The following NPFFR1 variants were observed in gnomAD, a reference collection of about 807,000 sequenced individuals.
The protein encoded by NPFFR1 is G-protein coupled receptor 147.
In NPFFR1, 17 loss-of-function variants were observed where a neutral mutation model predicts 12.7. That is an observed-to-expected ratio of 1.34 (90% CI 0.92 to 2.01). The LOEUF (loss-of-function observed/expected upper bound fraction) is 2.01. Ranked by LOEUF, NPFFR1 falls within the 30% of genes most tolerant of loss-of-function variation. NPFFR1 has a pLI of 0.00. For synonymous variants in NPFFR1, 296 were observed against 264.5 expected (o/e 1.12, Z -1.16); for missense variants, 604 against 606.5 (o/e 1.00, Z 0.04).
chr10:70,262,256 C>T lies in NPFFR1; in HGVS notation c.323-1517G>A, dbSNP rs1005287801. Among the ~76,000 whole-genome samples, 3 of 151,858 alleles carry T rather than the reference C, an allele frequency of 2.0e-5. No homozygotes were observed. The South Asian group carries it at 6.2e-4, about 31-fold the overall frequency. ...TCAGGATATGGTTGGGGAGGGGGGA[C>T]CCAAAGTAAAATACAAACATTAACA... On this transcript the variant is annotated intron_variant, in intron 2 of 3. Coordinates refer to ENST00000277942, the MANE Select transcript of NPFFR1 (RefSeq NM_022146.5).
chr10:70,281,552 G>GT (rs1840862448), intron 1 of NPFFR1, among the ~76,000 whole-genome samples: 1 of 152,104 alleles, frequency 6.6e-6, no homozygotes, highest in African/African-American at 2.4e-5. Flanking sequence ...AAACAAAGAT[G>GT]TTAGTGACTA....
intron 1 of NPFFR1, among the ~76,000 whole-genome samples, chr10:70,276,522 AC>A (rs1840805969): frequency 6.6e-6 from 1 of 152,084 alleles, no homozygotes; most frequent in South Asian, 2.1e-4. Flanking sequence ...TCAGTTATTA[AC>A]GAGAGAGCTA....
Position 70,251,200 on chromosome 10 carries a change from G to A in NPFFR1, c.*3757C>T, listed in dbSNP as rs1012412762. ...CTTCTGAGGGGTGAGCTGAGGAAAC[G>A]GGTGCAAAAAGGTACAGAGCTTAAT... On this transcript the variant is annotated 3_prime_UTR_variant, in exon 4 of 4. Coordinates refer to ENST00000277942, the MANE Select transcript of NPFFR1 (RefSeq NM_022146.5). 5 of 152,222 alleles carry A rather than the reference G, an allele frequency of 3.3e-5. No individual in the cohort carries two copies. The highest frequency in any genetic ancestry group is 2.1e-4 in the South Asian group (1 of 4,824). The allele number at this position is 152,222 out of a possible 1,614,324, so 9.4% of individuals were successfully genotyped here. A position where few individuals can be genotyped will look rare whatever the true frequency, so the allele number is the denominator to read the frequency against.
In NPFFR1 at chr10:70,251,400, G is replaced by T. The variant is rs1398552412; in HGVS notation, c.*3557C>A. ...CCCAAGAGAGACTCCTCAGCACAGG[G>T]CTGGGCAGACTGTGGTTTGTGGGGT... On this transcript the variant is annotated 3_prime_UTR_variant, in exon 4 of 4. Transcript: ENST00000277942. 6.6e-6 allele frequency: 1 copy of T among 152,652 alleles called. No homozygotes were observed. Among genetic ancestry groups the T allele is most frequent in the Non-Finnish European group, 1.5e-5 (1 of 68,390 alleles). 9.5% of individuals were successfully genotyped at this position (152,652 alleles called of 1,614,324 possible).
chr10:70,268,856 T>C (rs1021837403), intron 1 of NPFFR1, among the ~76,000 whole-genome samples: 2 of 152,172 alleles, frequency 1.3e-5, no homozygotes, highest in Admixed American at 1.3e-4. Flanking sequence ...CTCCTGTTGA[T>C]AGGAAGAAAA....
chr10:70,255,332 G>A lies in NPFFR1; in HGVS notation c.918C>T (p.Val306=), dbSNP rs751895571. ...GCGCGAAGGGGAAGGCGTAGACGGT[G>A]ACCAGGTGCAGCTGCGGCGCGCTGA... The part of the protein sequence containing the change: ...GQLSAPQLHL[V]TVYAFPFAHW... The change falls in exon 4 of 4, where the codon GTC becomes GTT. Residue 306 remains valine (V), a synonymous_variant. Transcript: ENST00000277942. The surrounding 1 kb of genome is among the most constrained non-coding windows in gnomAD (Gnocchi z 4.2). 4 of 1,578,196 alleles carry A rather than the reference G, an allele frequency of 2.5e-6. No individual in the cohort carries two copies. The African/African-American group carries it at 4.0e-5, about 16-fold the overall frequency.
chr10:70,276,669 C>G (rs868574131), intron 1 of NPFFR1, among the ~76,000 whole-genome samples: 1 of 144,652 alleles, frequency 6.9e-6, no homozygotes, highest in African/African-American at 2.5e-5. Context: ...TTCACTGCAA[C>G]CTTCACCTCC....
intron 2 of NPFFR1, among the ~76,000 whole-genome samples, 193 bp from the exon 3 acceptor site, chr10:70,260,932 C>T (rs1235418279): frequency 6.6e-6 from 1 of 152,112 alleles, no homozygotes; most frequent in Non-Finnish European, 1.5e-5. Context: ...ACAGTTCTCA[C>T]TACAGTCATC....
chr10:70,250,544 CA>C lies in NPFFR1; in HGVS notation c.*4412del, dbSNP rs1373284852. The C allele has an allele frequency of 6.6e-6, 1 of 152,154 alleles. No homozygotes were observed. Among genetic ancestry groups the C allele is most frequent in the Admixed American group, 6.5e-5 (1 of 15,274 alleles). 9.4% of individuals were successfully genotyped at this position (152,154 alleles called of 1,614,324 possible). The stretch of plus-strand genomic sequence containing the variant: ...ATAAACAAAATGTGATCTATTCATA[CA>C]GTGGAATAGTACTCAGCAATCAAAA... On this transcript the variant is annotated 3_prime_UTR_variant, in exon 4 of 4. Coordinates refer to ENST00000277942, the MANE Select transcript of NPFFR1 (RefSeq NM_022146.5).
chr10:70,260,444 A>T (rs1482398852), intron 3 of NPFFR1, among the ~76,000 whole-genome samples, 196 bp downstream of exon 3: 1 of 152,156 alleles, frequency 6.6e-6, no homozygotes, highest in Admixed American at 6.5e-5. Context: ...AGGGGGTGGT[A>T]GTGTCCTCAT....
chr10:70,266,047 A>G, intron 2 of NPFFR1, 30 bp downstream of exon 2: 1 of 1,595,090 alleles, frequency 6.3e-7, no homozygotes. Flanking sequence ...GGGGTAGGGG[A>G]CACTCCTGCT....
chr10:70,268,417 G>A (rs187222106), intron 1 of NPFFR1, among the ~76,000 whole-genome samples: 307 of 150,114 alleles, frequency 2.0e-3, no homozygotes, highest in Non-Finnish European at 3.3e-3. Flanking sequence ...AGTGTGGATC[G>A]GAGCAAGATT....
chr10:70,260,780 G>C (rs185061769), intron 2 of NPFFR1, 41 bp from the exon 3 acceptor site: 66 of 1,515,538 alleles, frequency 4.4e-5, no homozygotes, highest in Non-Finnish European at 5.4e-5. Flanking sequence ...AGATGCCCAC[G>C]CATCAAGAGC....
chr10:70,278,643 G>A (rs868075), intron 1 of NPFFR1, among the ~76,000 whole-genome samples: 26,161 of 152,118 alleles, frequency 0.17, 2,425 homozygotes, highest in African/African-American at 0.22. Flanking sequence ...TGGTCCTCCA[G>A]TATCCCTCCT....
At position 70,255,835 on chromosome 10, in the gene NPFFR1, G is replaced by A. The variant is rs756953167; in HGVS notation, c.423-8C>T. On this transcript the variant is annotated splice_region_variant and splice_polypyrimidine_tract_variant and intron_variant, in intron 3 of 3. Coordinates refer to ENST00000277942, the MANE Select transcript of NPFFR1 (RefSeq NM_022146.5). This position sits in a 1 kb window ranked among gnomAD's most constrained non-coding sequence, Gnocchi z 4.2. Reference sequence around the variant, plus strand: ...TGCACGATGCAGCGGAACCTGCCGCGGGGAGAGAGACAGGCGGGATCTGGG... The same window carrying A: ...TGCACGATGCAGCGGAACCTGCCGCAGGGAGAGAGACAGGCGGGATCTGGG... 6.2e-7 allele frequency: 1 copy of A among 1,601,436 alleles called. No homozygotes were observed. Among genetic ancestry groups the A allele is most frequent in the East Asian group, 2.3e-5 (1 of 44,380 alleles).
chr10:70,258,198 G>A (rs989827852), intron 3 of NPFFR1, among the ~76,000 whole-genome samples: 14 of 152,042 alleles, frequency 9.2e-5, no homozygotes, highest in Admixed American at 2.6e-4. Context: ...ACCCACAGGT[G>A]TGGAGAGGCA....
intron 1 of NPFFR1, among the ~76,000 whole-genome samples, chr10:70,277,785 C>G (rs937467914): frequency 6.6e-6 from 1 of 152,166 alleles, no homozygotes; most frequent in Non-Finnish European, 1.5e-5. Context: ...GGGAGCAGAT[C>G]TGATTTGCTG....
chr10:70,275,821 A>G (rs1329727425), intron 1 of NPFFR1, among the ~76,000 whole-genome samples: 5 of 152,210 alleles, frequency 3.3e-5, no homozygotes, highest in Admixed American at 2.0e-4. Context: ...TTTGTACAAC[A>G]TCAAGCTATC....
Position 70,266,126 on chromosome 10 carries a change from C to T in NPFFR1, c.273G>A (p.Leu91=). 2.5e-6 allele frequency: 4 copies of T among 1,614,024 alleles called. No homozygotes were observed. Among genetic ancestry groups the T allele is most frequent in the Non-Finnish European group, 3.4e-6 (4 of 1,179,896 alleles). ...FILNLAVSDL[L]VGIFCMPTTL... ...TGGTGGGCATGCAGAAGATGCCCAC[C>T]AGCAGGTCACTGACAGCCAGGTTGA... The change falls in exon 2 of 4, where the codon CTG becomes CTA. Residue 91 remains leucine (L), a synonymous_variant. Coordinates refer to ENST00000277942, the MANE Select transcript of NPFFR1 (RefSeq NM_022146.5).
Sources: gnomAD v4.1 joint callset for allele counts (sites outside exome capture counted in the v4.1 genomes callset) on GRCh38, gnomAD v4.1.1 for gene constraint, Gnocchi (gnomAD v3.1) non-coding constraint, MANE v1.5 for transcripts, NCBI Gene and HGNC (gene_info 2026-07-23, HGNC 2026-07-21) for gene names.